The following PPIL6 variants were observed in gnomAD, a reference collection of about 807,000 sequenced individuals.
PPIL6 encodes peptidylprolyl isomerase like 6, also known as probable inactive peptidyl-prolyl cis-trans isomerase-like 6.
In PPIL6, 39 loss-of-function variants were observed where a neutral mutation model predicts 36.8. The observed-to-expected ratio is 1.06, with a 90% confidence interval of 0.82 to 1.38. The LOEUF (loss-of-function observed/expected upper bound fraction) is 1.38. Among genes scored for constraint, PPIL6 ranks in the 40% most tolerant of loss-of-function variants. The probability of loss-of-function intolerance (pLI) is 0.00; values close to 1 mark genes in which losing one functional copy is unlikely to be tolerated. For missense variants in PPIL6, 368 were observed against 379.1 expected (o/e 0.97, Z 0.24); for synonymous variants, 123 against 134.1 (o/e 0.92, Z 0.57).
intron 1 of PPIL6, among the ~76,000 whole-genome samples, chr6:109,439,359 A>ATTAT (rs769074228): frequency 1.8e-4 from 28 of 152,126 alleles, no homozygotes; most frequent in African/African-American, 5.8e-4. Flanking sequence ...TTTTCTTTTT[A>ATTAT]TTATTTATTT....
chr6:109,427,223 C>A, intron 3 of PPIL6, 67 bp from the exon 4 acceptor site: 4 of 1,012,996 alleles, frequency 3.9e-6, no homozygotes, highest in South Asian at 3.0e-5. Flanking sequence ...CAGAAATGAC[C>A]AAAAATACAG....
intron 1 of PPIL6, among the ~76,000 whole-genome samples, chr6:109,438,347 G>A (rs1411428653): frequency 6.6e-6 from 1 of 151,656 alleles, no homozygotes; most frequent in East Asian, 1.9e-4. Context: ...TCGGGAGGTC[G>A]AGGAGGATTG....
At chr6:109,433,401 A>C (rs2115284859) in intron 2 of PPIL6, among the ~76,000 whole-genome samples, 1 of 152,328 alleles carries the variant, frequency 6.6e-6, no homozygotes, top group South Asian at 2.1e-4. Flanking sequence ...GTCACTGTGG[A>C]TATTTCAGCT....
chr6:109,427,070 C>T (rs1324327425), intron 4 of PPIL6, 24 bp downstream of exon 4: 5 of 1,601,002 alleles, frequency 3.1e-6, no homozygotes, highest in Admixed American at 1.7e-5. Flanking sequence ...CCCCCACAAA[C>T]TTACATATAA....
chr6:109,427,666 G>A (rs952863596), intron 3 of PPIL6, among the ~76,000 whole-genome samples: 1 of 152,108 alleles, frequency 6.6e-6, no homozygotes. Flanking sequence ...AATTACAGGC[G>A]TGAGCTACCG....
intron 5 of PPIL6, among the ~76,000 whole-genome samples, chr6:109,422,076 C>T (rs1773576658): frequency 6.6e-6 from 1 of 152,212 alleles, no homozygotes; most frequent in Middle Eastern, 3.4e-3. Flanking sequence ...GGGGGTTTCA[C>T]CATATTGGCC....
intron 6 of PPIL6, among the ~76,000 whole-genome samples, chr6:109,416,418 G>A (rs1562263611): frequency 6.6e-6 from 1 of 151,302 alleles, no homozygotes. Flanking sequence ...GGCCAGGCTG[G>A]TCTTGAACTC....
chr6:109,415,731 GGGGTTCTCTT>G (rs1382051258), intron 6 of PPIL6, among the ~76,000 whole-genome samples: 1 of 151,966 alleles, frequency 6.6e-6, no homozygotes, highest in African/African-American at 2.4e-5. Context: ...TCTTTCTATT[GGGGTTCTCTT>G]CCATAATGTT....
intron 1 of PPIL6, chr6:109,440,092 T>C: frequency 3.0e-6 from 1 of 328,564 alleles, no homozygotes; most frequent in Non-Finnish European, 5.9e-6. Context: ...TAATCATTTT[T>C]CCATAAATTT....
intron 6 of PPIL6, among the ~76,000 whole-genome samples, chr6:109,416,658 C>T (rs1773273208): frequency 6.6e-6 from 1 of 152,096 alleles, no homozygotes; most frequent in Admixed American, 6.6e-5. Flanking sequence ...CTCCTGTTAT[C>T]TGGACATTTT....
At chr6:109,428,578 T>C (rs117202316) in intron 3 of PPIL6, among the ~76,000 whole-genome samples, 3,093 of 151,276 alleles carry the variant, frequency 0.02, 54 homozygotes, top group Non-Finnish European at 0.036. Flanking sequence ...AAAACCACCT[T>C]ATTGAGCAAG....
chr6:109,434,683 A>C (rs917540900), intron 2 of PPIL6, among the ~76,000 whole-genome samples: 10 of 152,214 alleles, frequency 6.6e-5, no homozygotes, highest in Non-Finnish European at 4.4e-5. Context: ...AACCCAGCAC[A>C]GAACAATCGA....
At chr6:109,415,424 G>A (rs1199198474) in intron 6 of PPIL6, among the ~76,000 whole-genome samples, 7 of 152,122 alleles carry the variant, frequency 4.6e-5, no homozygotes, top group Non-Finnish European at 1.5e-5. Flanking sequence ...CTGGTTCGGA[G>A]GCACTCATCT....
At chr6:109,432,872 C>T (rs1378534135) in intron 2 of PPIL6, among the ~76,000 whole-genome samples, 5 of 152,142 alleles carry the variant, frequency 3.3e-5, no homozygotes. Flanking sequence ...TGCCAACTTG[C>T]TTCATTCTCC....
chr6:109,419,586 G>A (rs1773438267), intron 5 of PPIL6, among the ~76,000 whole-genome samples: 1 of 152,046 alleles, frequency 6.6e-6, no homozygotes, highest in Admixed American at 6.5e-5. Context: ...AGCTGGGCGT[G>A]GTGGCATGTG....
intron 7 of PPIL6, among the ~76,000 whole-genome samples, chr6:109,397,824 CAG>C (rs1772361046): frequency 6.6e-6 from 1 of 151,396 alleles, no homozygotes; most frequent in Non-Finnish European, 1.5e-5. Flanking sequence ...AGCAACATGA[CAG>C]AGATTTAAAT....
At chr6:109,415,604 C>T (rs1023974496) in intron 6 of PPIL6, among the ~76,000 whole-genome samples, 18 of 152,316 alleles carry the variant, frequency 1.2e-4, no homozygotes, top group African/African-American at 4.3e-4. Context: ...TCAAGCACAA[C>T]ATCTGGGCAC....
intron 6 of PPIL6, among the ~76,000 whole-genome samples, chr6:109,406,732 ATTTTCTAGTATT>A (rs1772813002): frequency 6.6e-6 from 1 of 152,144 alleles, no homozygotes; most frequent in South Asian, 2.1e-4. Context: ...TGATAAATTC[ATTTTCTAGTATT>A]CCTCCAAAGG....
intron 6 of PPIL6, among the ~76,000 whole-genome samples, chr6:109,415,362 AGTTT>A (rs1293747558): frequency 6.6e-6 from 1 of 152,180 alleles, no homozygotes; most frequent in East Asian, 1.9e-4. Flanking sequence ...GTCTAGTGTC[AGTTT>A]GTTTCCTGAC....
Sources: allele counts gnomAD v4.1 joint callset (sites outside exome capture counted in the v4.1 genomes callset), GRCh38; gene constraint gnomAD v4.1.1; transcripts MANE v1.5; gene names NCBI Gene and HGNC (gene_info 2026-07-23, HGNC 2026-07-21).